Variants in IGSF10 observed in about 807,000 individuals in gnomAD.
IGSF10 encodes the protein calvaria mechanical force protein 608.
IGSF10 carries 126 observed loss-of-function variants against 128.2 expected under a neutral mutation model. The observed-to-expected ratio is 0.98, with a 90% CI of 0.85 to 1.14. The LOEUF is 1.14. IGSF10 is among the 50% of genes most tolerant of loss of function. The pLI is 0.00. For missense variants in IGSF10, 3,295 were observed against 3,149.8 expected, an observed-to-expected ratio of 1.05 and a Z score of -1.10; for synonymous variants, 1,185 against 1,146.2, an observed-to-expected ratio of 1.03 and a Z score of -0.68.
chr3:151,511,668 G>A, the IGSF10 span, among the ~76,000 whole-genome samples: 2 of 152,260 alleles, frequency 1.3e-5, no homozygotes, highest in South Asian at 2.1e-4. Context: ...GGCACAGACT[G>A]GCAAATTGGA....
At chr3:151,544,155 T>A in the IGSF10 span, among the ~76,000 whole-genome samples, 4 of 152,202 alleles carry the variant, frequency 2.6e-5, no homozygotes, top group Non-Finnish European at 5.9e-5. Context: ...GTGATCCACC[T>A]GCCTCAGCCT....
At chr3:151,597,115 T>G in the IGSF10 span, among the ~76,000 whole-genome samples, 1 of 152,158 alleles carries the variant, frequency 6.6e-6, no homozygotes, top group Non-Finnish European at 1.5e-5. Context: ...TATAAACTAC[T>G]TCAGAATAGT....
the IGSF10 span, among the ~76,000 whole-genome samples, chr3:151,509,158 G>A: frequency 2.6e-5 from 4 of 152,134 alleles, no homozygotes; most frequent in African/African-American, 9.7e-5. Context: ...TTTGGACTGG[G>A]TAAGAATTCC....
At chr3:151,592,738 A>G in the IGSF10 span, among the ~76,000 whole-genome samples, 1 of 152,194 alleles carries the variant, frequency 6.6e-6, no homozygotes. Context: ...AGACCTATAA[A>G]TTTAAAGTAC....
the IGSF10 span, among the ~76,000 whole-genome samples, chr3:151,585,322 A>C: frequency 1.3e-5 from 2 of 152,326 alleles, no homozygotes; most frequent in East Asian, 3.9e-4. Context: ...ACTACTGGAA[A>C]ATTTAAAATG....
the IGSF10 span, among the ~76,000 whole-genome samples, chr3:151,479,749 A>G: frequency 4.6e-5 from 7 of 152,206 alleles, 1 homozygote; most frequent in African/African-American, 1.2e-4. Flanking sequence ...AATATGGAAA[A>G]TATAGCTATG....
chr3:151,553,697 T>C, the IGSF10 span, among the ~76,000 whole-genome samples: 3 of 151,294 alleles, frequency 2.0e-5, no homozygotes, highest in African/African-American at 7.3e-5. Flanking sequence ...ATCTTCTGAG[T>C]TTTTCAATAC....
chr3:151,443,045 C>T lies in IGSF10; in HGVS notation c.5902G>A (p.Glu1968Lys), dbSNP rs745832972. 3.7e-6 allele frequency: 6 copies of T among 1,614,090 alleles called. No individual in the cohort carries two copies. The African/African-American group carries it at 4.0e-5, about 11-fold the overall frequency. Residue 1968 changes from glutamate to lysine, a missense_variant, in exon 7 of 8, where the codon GAG becomes AAG. Physicochemically the swap from Glu to Lys is moderately conservative, Grantham distance 56 (BLOSUM62 1). Transcript: ENST00000282466. The part of the protein sequence containing the change: ...KLLLNCSATG[E>K]PKPQIMWRLP... Reference sequence around the variant, plus strand: ...CTCCACATTATTTGGGGTTTGGGCTCCCCAGTGGCTGAGCAGTTCAGTAGT... The same window carrying T: ...CTCCACATTATTTGGGGTTTGGGCTTCCCAGTGGCTGAGCAGTTCAGTAGT...
the IGSF10 span, among the ~76,000 whole-genome samples, chr3:151,526,145 G>A: frequency 6.6e-6 from 1 of 152,140 alleles, no homozygotes; most frequent in Admixed American, 6.5e-5. Flanking sequence ...GAACTGAAAG[G>A]GAAAAGTTTG....
the IGSF10 span, among the ~76,000 whole-genome samples, chr3:151,476,440 A>C: frequency 1.3e-5 from 2 of 152,084 alleles, no homozygotes; most frequent in African/African-American, 4.8e-5. Flanking sequence ...ATAGTCTCCT[A>C]TAAACAGGAA....
At chr3:151,582,307 G>GGGGGA in the IGSF10 span, among the ~76,000 whole-genome samples, 1 of 63,424 alleles carries the variant, frequency 1.6e-5, no homozygotes, top group Non-Finnish European at 2.9e-5. Context: ...GGGGGGGCGG[G>GGGGGA]AAGCACAAAT....
At chr3:151,474,818 A>G in the IGSF10 span, among the ~76,000 whole-genome samples, 2 of 151,876 alleles carry the variant, frequency 1.3e-5, no homozygotes, top group East Asian at 1.9e-4. Flanking sequence ...GGATGGCAGC[A>G]GGCAAAGAGA....
chr3:151,537,313 C>T, the IGSF10 span, among the ~76,000 whole-genome samples: 14 of 152,254 alleles, frequency 9.2e-5, no homozygotes, highest in Non-Finnish European at 1.6e-4. Context: ...CAAAGGTAGA[C>T]AGATGCTCAA....
At chr3:151,475,139 T>C in the IGSF10 span, among the ~76,000 whole-genome samples, 40 of 152,320 alleles carry the variant, frequency 2.6e-4, no homozygotes, top group South Asian at 1.7e-3. Context: ...CATTGAGAGT[T>C]AATAGTCTCA....
the IGSF10 span, among the ~76,000 whole-genome samples, chr3:151,579,808 A>T: frequency 6.8e-6 from 1 of 147,338 alleles, no homozygotes. Context: ...AGAAGAATAA[A>T]TATTACGAAG....
the IGSF10 span, among the ~76,000 whole-genome samples, chr3:151,535,975 T>C: frequency 6.6e-6 from 1 of 152,322 alleles, no homozygotes; most frequent in South Asian, 2.1e-4. Context: ...ATGGCACTAC[T>C]TTCAGGGGCA....
the IGSF10 span, among the ~76,000 whole-genome samples, chr3:151,547,548 G>C: frequency 6.6e-6 from 1 of 151,958 alleles, no homozygotes; most frequent in Non-Finnish European, 1.5e-5. Flanking sequence ...TTGTGAAACA[G>C]CTTCTCCTAG....
At chr3:151,513,751 C>T in the IGSF10 span, among the ~76,000 whole-genome samples, 11 of 152,292 alleles carry the variant, frequency 7.2e-5, no homozygotes, top group African/African-American at 2.2e-4. Flanking sequence ...TCTCTTTAAG[C>T]TGATAAGCAA....
the IGSF10 span, among the ~76,000 whole-genome samples, chr3:151,503,648 C>G: frequency 6.6e-6 from 1 of 152,122 alleles, no homozygotes; most frequent in Non-Finnish European, 1.5e-5. Context: ...TCCCACTGCT[C>G]AGATACAGCT....
Sources: allele counts gnomAD v4.1 joint callset (sites outside exome capture counted in the v4.1 genomes callset), GRCh38; gene constraint gnomAD v4.1.1; transcripts MANE v1.5; gene names NCBI Gene and HGNC (gene_info 2026-07-23, HGNC 2026-07-21).